VOPP1: variants seen among roughly 807,000 people sequenced by gnomAD.
VOPP1 encodes the protein WW domain binding protein VOPP1.
VOPP1 carries 8 observed loss-of-function variants against 23.5 expected under a neutral mutation model. The observed-to-expected ratio is 0.34, with a 90% CI of 0.20 to 0.61. VOPP1 has a LOEUF of 0.61. VOPP1 is among the 20% of genes least tolerant of loss of function. The probability of loss-of-function intolerance (pLI) is 0.78; values close to 1 mark genes in which losing one functional copy is unlikely to be tolerated. For synonymous variants in VOPP1, 83 were observed against 97.3 expected, an observed-to-expected ratio of 0.85 and a Z score of 0.86; for missense variants, 174 against 238.1, an observed-to-expected ratio of 0.73 and a Z score of 1.77.
intron 1 of VOPP1, among the ~76,000 whole-genome samples, chr7:55,564,286 A>G (rs552639105): frequency 0.023 from 1,604 of 70,774 alleles, 9 homozygotes; most frequent in Middle Eastern, 0.055. Flanking sequence ...GCTCTCTCTC[A>G]CTCTCCTCTT....
chr7:55,454,315 C>G (rs1366877376), intron 4 of VOPP1, among the ~76,000 whole-genome samples: 1 of 152,154 alleles, frequency 6.6e-6, no homozygotes, highest in Non-Finnish European at 1.5e-5. Flanking sequence ...TAATAGCCTA[C>G]CAACCAATGA....
chr7:55,550,633 T>C lies in VOPP1; in HGVS notation c.54+21638A>G, dbSNP rs146900153. The stretch of plus-strand genomic sequence containing the variant: ...AAACGGGAACAAATTAAATACTCAA[T>C]GTCAGGGGCACTCGCGAGTCCACCA... On this transcript the variant is annotated intron_variant, in intron 1 of 4. Transcript: ENST00000285279. Among the ~76,000 whole-genome samples, 684 of 152,248 alleles carry C rather than the reference T, an allele frequency of 4.5e-3. 5 individuals carry two copies. Among genetic ancestry groups the C allele is most frequent in the Middle Eastern group, 0.01 (3 of 294 alleles).
At chr7:55,453,835 T>C (rs781138668) in intron 4 of VOPP1, among the ~76,000 whole-genome samples, 1 of 152,178 alleles carries the variant, frequency 6.6e-6, no homozygotes, top group African/African-American at 2.4e-5. Context: ...AAAAACTCAA[T>C]ACCTACAAAG....
At chr7:55,526,581 G>C (rs1796205553) in intron 1 of VOPP1, among the ~76,000 whole-genome samples, 2 of 152,278 alleles carry the variant, frequency 1.3e-5, no homozygotes, top group South Asian at 2.1e-4. Flanking sequence ...ATGAGGGAGT[G>C]GACAGCAGGG....
intron 1 of VOPP1, among the ~76,000 whole-genome samples, chr7:55,560,397 A>C (rs941463686): frequency 2.0e-5 from 3 of 152,200 alleles, no homozygotes; most frequent in Non-Finnish European, 4.4e-5. Context: ...AGGTGGGCCC[A>C]ATGTAATCTC....
chr7:55,521,739 C>A, intron 1 of VOPP1: 1 of 986,106 alleles, frequency 1.0e-6, no homozygotes, highest in Non-Finnish European at 1.2e-6. Flanking sequence ...CAGGGCAGGG[C>A]AGGGCAGGGC....
At position 55,437,897 on chromosome 7, in the gene VOPP1, AT is replaced by A. The variant is rs11400741; in HGVS notation, n.418-1724del. Among the ~76,000 whole-genome samples, 246 of 142,834 alleles carry A rather than the reference AT, an allele frequency of 1.7e-3. 1 individual carries two copies. Among genetic ancestry groups the A allele is most frequent in the African/African-American group, 2.8e-3 (108 of 38,778 alleles). The allele number at this position is 142,834 out of a possible 152,430, so 93.7% of individuals were successfully genotyped here. ...ATCTTTTATATAGTATCCTGTTTGT[AT>A]TTTTTTTTTTTTGGAGACGGAGTTT... is the stretch of plus-strand genomic sequence containing the variant. On this transcript the variant is annotated intron_variant and non_coding_transcript_variant, in intron 4 of 4. Coordinates refer to the VOPP1 transcript ENST00000462326.
In VOPP1 at chr7:55,497,596, G is replaced by A. The variant is rs764019062; in HGVS notation, c.191+17C>T. 9 of 1,556,324 alleles carry A rather than the reference G, an allele frequency of 5.8e-6. No homozygotes were observed. Among genetic ancestry groups the A allele is most frequent in the South Asian group, 4.5e-5 (4 of 89,280 alleles). ...CAGAGCTCTCGGGGTAGGGAACAAG[G>A]AGGAGTTGTGACCTACCAGAAGTAC... On this transcript the variant is annotated intron_variant, in intron 3 of 4. Transcript: ENST00000285279.
At chr7:55,446,602 G>T (rs1791107799) in intron 4 of VOPP1, among the ~76,000 whole-genome samples, 1 of 152,164 alleles carries the variant, frequency 6.6e-6, no homozygotes, top group Admixed American at 6.5e-5. Context: ...TTCAAAACTT[G>T]CCCAGGGTCA....
chr7:55,441,042 A>G (rs1017743170), intron 4 of VOPP1, among the ~76,000 whole-genome samples: 2 of 152,202 alleles, frequency 1.3e-5, no homozygotes, highest in Admixed American at 6.5e-5. Flanking sequence ...ATTCTATCCT[A>G]TATGGAAAGC....
intron 4 of VOPP1, among the ~76,000 whole-genome samples, chr7:55,460,910 G>A (rs1327073006): frequency 6.6e-6 from 1 of 152,028 alleles, no homozygotes; most frequent in Non-Finnish European, 1.5e-5. Flanking sequence ...CATATAGTTG[G>A]GTTATTTTTA....
At chr7:55,520,722 A>C (rs892778924) in intron 2 of VOPP1, among the ~76,000 whole-genome samples, 1 of 152,246 alleles carries the variant, frequency 6.6e-6, no homozygotes, top group African/African-American at 2.4e-5. Context: ...GCTCAAGCTC[A>C]TAAGTCTGCT....
intron 1 of VOPP1, chr7:55,531,032 C>A (rs956435440): frequency 3.3e-5 from 5 of 152,216 alleles, no homozygotes; most frequent in African/African-American, 1.2e-4. Context: ...TCTCAGAAAT[C>A]ACTTTTTAGA....
intron 4 of VOPP1, among the ~76,000 whole-genome samples, chr7:55,461,199 A>C (rs983596427): frequency 1.2e-4 from 19 of 152,132 alleles, no homozygotes; most frequent in Non-Finnish European, 2.4e-4. Flanking sequence ...GATGAAAGGC[A>C]TAAGAATGAC....
intron 2 of VOPP1, chr7:55,516,008 G>C: frequency 1.0e-6 from 1 of 985,510 alleles, no homozygotes. Context: ...TGGCAAAGGA[G>C]CTGAGGAAGC....
intron 3 of VOPP1, among the ~76,000 whole-genome samples, chr7:55,493,725 A>T (rs1022077743): frequency 1.4e-4 from 21 of 152,242 alleles, no homozygotes; most frequent in African/African-American, 4.6e-4. Context: ...CTGAGCTTAC[A>T]GAGGAGGGAG....
intron 1 of VOPP1, among the ~76,000 whole-genome samples, chr7:55,548,645 G>T (rs963920112): frequency 6.6e-6 from 1 of 152,240 alleles, no homozygotes; most frequent in Non-Finnish European, 1.5e-5. Context: ...TGCTACTGGG[G>T]AGTACAAAGC....
chr7:55,445,109 C>G (rs1791062051), intron 4 of VOPP1, among the ~76,000 whole-genome samples: 1 of 152,150 alleles, frequency 6.6e-6, no homozygotes, highest in Admixed American at 6.6e-5. Flanking sequence ...GAAGATGTAT[C>G]TTGCATAACA....
chr7:55,470,876 G>A lies in VOPP1; in HGVS notation c.*1979C>T, dbSNP rs1267715404. ...TGGGACTTCCATATGCAGGATCAGC[G>A]TTCACAGTAGCACAATTCTAACCAA... is the stretch of plus-strand genomic sequence containing the variant. On this transcript the variant is annotated 3_prime_UTR_variant, in exon 5 of 5. Coordinates refer to ENST00000285279, the MANE Select transcript of VOPP1 (RefSeq NM_030796.5). The A allele has an allele frequency of 1.3e-5, 2 of 152,044 alleles. No homozygotes were observed. Among genetic ancestry groups the A allele is most frequent in the African/African-American group, 2.4e-5 (1 of 41,306 alleles). 9.4% of individuals were successfully genotyped at this position (152,044 alleles called of 1,614,324 possible). A position where few individuals can be genotyped will look rare whatever the true frequency, so the allele number is the denominator to read the frequency against.
Sources: allele counts gnomAD v4.1 joint callset (sites outside exome capture counted in the v4.1 genomes callset), GRCh38; gene constraint gnomAD v4.1.1; transcripts MANE v1.5; gene names NCBI Gene and HGNC (gene_info 2026-07-23, HGNC 2026-07-21).